Variants in RFX7 observed in about 807,000 individuals in gnomAD.
The protein encoded by RFX7 is regulatory factor X7, also known as DNA-binding protein RFX7.
RFX7 carries 26 observed loss-of-function variants against 111.8 expected under a neutral mutation model. The observed-to-expected ratio is 0.23, with a 90% CI of 0.17 to 0.32. The LOEUF (loss-of-function observed/expected upper bound fraction) is 0.32, where lower values mean the gene tolerates loss of function less well. Ranked by LOEUF, RFX7 falls within the 10% of genes least tolerant of loss-of-function variation. The pLI, the probability that RFX7 is intolerant of heterozygous loss-of-function variation, is 1.00. For missense variants in RFX7, 1,573 were observed against 1,772.9 expected, an observed-to-expected ratio of 0.89 and a Z score of 2.02; for synonymous variants, 624 against 624.4, an observed-to-expected ratio of 1.00 and a Z score of 0.01.
At chr15:56,132,740 T>C (rs1423230558) in intron 5 of RFX7, among the ~76,000 whole-genome samples, 1 of 152,122 alleles carries the variant, frequency 6.6e-6, no homozygotes, top group African/African-American at 2.4e-5. Flanking sequence ...TTGAAAAACA[T>C]TTATGTTTTA....
At position 56,087,466 on chromosome 15, in the gene RFX7, C is replaced by T. The variant is rs1209325831; in HGVS notation, c.*5879G>A. Reference sequence around the variant, plus strand: ...CCAGGAGGGCTGCTTGAGTTCTAGCCATCACATTTGCATTCCAGCCAGCAG... The same window carrying T: ...CCAGGAGGGCTGCTTGAGTTCTAGCTATCACATTTGCATTCCAGCCAGCAG... On this transcript the variant is annotated 3_prime_UTR_variant, in exon 10 of 10. Coordinates refer to ENST00000559447, the MANE Select transcript of RFX7 (RefSeq NM_022841.7). 4.4e-6 allele frequency: 2 copies of T among 456,512 alleles called. No individual in the cohort carries two copies. The highest frequency in any genetic ancestry group is 8.8e-6 in the Non-Finnish European group (2 of 226,968). 28.3% of individuals were successfully genotyped at this position (456,512 alleles called of 1,614,324 possible). A position where few individuals can be genotyped will look rare whatever the true frequency, so the allele number is the denominator to read the frequency against.
At chr15:56,107,823 A>C (rs1035282726) in intron 5 of RFX7, among the ~76,000 whole-genome samples, 7 of 152,202 alleles carry the variant, frequency 4.6e-5, no homozygotes, top group Non-Finnish European at 7.3e-5. Flanking sequence ...CTGATCCCAC[A>C]GATAAAACAA....
rs991997713 is a variant in RFX7 at position 56,168,127 on chromosome 15, C to G, written c.195+11143G>C. The stretch of plus-strand genomic sequence containing the variant: ...CTCTACCAATAAGTAAGTTTTAAAA[C>G]CTTAGGTAAATTACTTAAACTTGTC... On this transcript the variant is annotated intron_variant, in intron 3 of 9. Transcript: ENST00000559447. Among the ~76,000 whole-genome samples, 200 of 152,222 alleles carry G rather than the reference C, an allele frequency of 1.3e-3. 1 individual carries two copies. The highest frequency in any genetic ancestry group is 4.7e-3 in the African/African-American group (197 of 41,536).
intron 3 of RFX7, among the ~76,000 whole-genome samples, chr15:56,150,689 A>C (rs2042557417): frequency 6.6e-6 from 1 of 152,236 alleles, no homozygotes; most frequent in African/African-American, 2.4e-5. Context: ...CTCGCCAGCA[A>C]GGGAACAAAA....
Position 56,116,579 on chromosome 15 carries a change from T to TAC in RFX7, c.402-12910_402-12909insGT, listed in dbSNP as rs146516295. 7.5e-3 allele frequency among the ~76,000 whole-genome samples: 1,134 copies of TAC among 152,214 alleles called. 11 individuals are homozygous for TAC. Among genetic ancestry groups the TAC allele is most frequent in the African/African-American group, 0.024 (1,004 of 41,516 alleles). On this transcript the variant is annotated intron_variant, in intron 5 of 9. Coordinates refer to ENST00000559447, the MANE Select transcript of RFX7 (RefSeq NM_022841.7). ...TAGTTACCTACCATTCATGAATGTA[T>TAC]AGAAGAGGTGAGAAAAAAGGACAGA... is the stretch of plus-strand genomic sequence containing the variant.
intron 3 of RFX7, among the ~76,000 whole-genome samples, chr15:56,152,630 A>C (rs2042588740): frequency 6.6e-6 from 1 of 152,206 alleles, no homozygotes; most frequent in Admixed American, 6.5e-5. Flanking sequence ...CCCTAACATC[A>C]AAATTAAAAG....
intron 2 of RFX7, among the ~76,000 whole-genome samples, chr15:56,203,935 T>C (rs2043222418): frequency 1.3e-5 from 2 of 152,154 alleles, no homozygotes; most frequent in African/African-American, 2.4e-5. Context: ...CTTTACTCTA[T>C]GGTCCTGCCC....
At chr15:56,207,399 G>A (rs185908287) in intron 2 of RFX7, among the ~76,000 whole-genome samples, 3 of 152,134 alleles carry the variant, frequency 2.0e-5, no homozygotes, top group African/African-American at 7.2e-5. Context: ...CTACTGAACT[G>A]TTCTCTTAAA....
chr15:56,192,545 C>G (rs577126615), intron 2 of RFX7: 34 of 161,372 alleles, frequency 2.1e-4, no homozygotes, highest in Admixed American at 5.7e-4. Flanking sequence ...TGGCTCCTAA[C>G]TACATAGCAG....
In RFX7 at chr15:56,095,747, A is replaced by T; in HGVS notation, c.1981T>A (p.Ser661Thr). The change falls in exon 10 of 10, where the codon TCT (serine) becomes ACT (threonine). Residue 661 changes from serine to threonine, a missense_variant. Ser to Thr is a moderately conservative substitution (Grantham distance 58). This residue lies in a region of RFX7 where 625 missense variants were observed against 632.2 expected (regional missense o/e 0.99). Transcript: ENST00000559447. ...LCTKSPRKRL[S>T]STLQETQVPP... is the part of the protein sequence containing the mutation. ...ACCTGGGTCTCCTGCAATGTAGAAG[A>T]CAGTCGTTTTCTTGGGCTTTTAGTG... is the stretch of plus-strand genomic sequence containing the variant. 1 of 1,613,952 alleles carries T rather than the reference A, an allele frequency of 6.2e-7. No homozygotes were observed. Among genetic ancestry groups the T allele is most frequent in the Non-Finnish European group, 8.5e-7 (1 of 1,179,860 alleles).
intron 2 of RFX7, among the ~76,000 whole-genome samples, chr15:56,204,330 C>T (rs182396736): frequency 3.2e-4 from 48 of 152,006 alleles, no homozygotes; most frequent in African/African-American, 1.1e-3. Flanking sequence ...GATCACGAAC[C>T]TTAATATGCT....
At chr15:56,126,222 T>C (rs2042143216) in intron 5 of RFX7, among the ~76,000 whole-genome samples, 1 of 152,168 alleles carries the variant, frequency 6.6e-6, no homozygotes, top group African/African-American at 2.4e-5. Flanking sequence ...GACTCCTCCA[T>C]AAAACAATGG....
In RFX7 at chr15:56,094,729, G is replaced by A; in HGVS notation, c.2999C>T (p.Thr1000Ile). 4 of 1,613,934 alleles carry A rather than the reference G, an allele frequency of 2.5e-6. No individual in the cohort carries two copies. The highest frequency in any genetic ancestry group is 3.4e-6 in the Non-Finnish European group (4 of 1,179,870). Reference protein sequence around the residue: ...VDSALGSSRHTPIGTPHSNCS... With the variant: ...VDSALGSSRHIPIGTPHSNCS... ...GTTAGAATGTGGAGTACCAATGGGT[G>A]TATGTCGGCTACTTCCTAAAGCACT... The change falls in exon 10 of 10, where the codon ACA becomes ATA. Residue 1000 changes from threonine (T) to isoleucine (I), a missense_variant. This residue lies in a region of RFX7 where 625 missense variants were observed against 632.2 expected (regional missense o/e 0.99). Transcript: ENST00000559447.
chr15:56,142,508 C>G (rs1292436624), intron 5 of RFX7, among the ~76,000 whole-genome samples: 4 of 152,128 alleles, frequency 2.6e-5, no homozygotes, highest in African/African-American at 9.7e-5. Flanking sequence ...CTTTTATTCA[C>G]CAATCCTACA....
chr15:56,138,664 T>C (rs1279037660), intron 5 of RFX7, among the ~76,000 whole-genome samples: 1 of 152,160 alleles, frequency 6.6e-6, no homozygotes, highest in Non-Finnish European at 1.5e-5. Flanking sequence ...CATTATGATG[T>C]TAGCTGGTTG....
chr15:56,095,521 G>T lies in RFX7; in HGVS notation c.2207C>A (p.Ala736Asp), dbSNP rs757411356. The change falls in exon 10 of 10, where the codon GCC becomes GAC. Residue 736 changes from alanine (A) to aspartate (D), a missense_variant. By Grantham distance (126) the Ala-to-Asp change is moderately radical. This residue lies in a region of RFX7 where 625 missense variants were observed against 632.2 expected (regional missense o/e 0.99). Transcript: ENST00000559447. ...IGANQPLNSS[A>D]LVISDSALEQ... ...CAAAGCTGAATCACTGATAACAAGG[G>T]CAGAGGAATTCAAGGGTTGATTTGC... is the stretch of plus-strand genomic sequence containing the variant. 31 of 1,613,230 alleles carry T rather than the reference G, an allele frequency of 1.9e-5. No homozygotes were observed. In the Middle Eastern group the frequency reaches 6.6e-4, roughly 34 times the overall value.
chr15:56,139,105 C>G (rs1232627208), intron 5 of RFX7, among the ~76,000 whole-genome samples: 3 of 151,956 alleles, frequency 2.0e-5, no homozygotes, highest in South Asian at 2.1e-4. Flanking sequence ...TGGAGTTGCT[C>G]TTCTCGAGGA....
intron 5 of RFX7, among the ~76,000 whole-genome samples, chr15:56,111,684 A>G (rs1271054769): frequency 6.7e-6 from 1 of 149,468 alleles, no homozygotes; most frequent in Non-Finnish European, 1.5e-5. Flanking sequence ...AAAAAAACCA[A>G]AAAAACAATA....
intron 5 of RFX7, among the ~76,000 whole-genome samples, chr15:56,123,967 A>G (rs372776978): frequency 1.8e-4 from 28 of 152,204 alleles, no homozygotes; most frequent in African/African-American, 6.0e-4. Context: ...TACCTTCTTC[A>G]GTGTCTCTTT....
Sources: gnomAD v4.1 joint callset for allele counts (sites outside exome capture counted in the v4.1 genomes callset) on GRCh38, gnomAD v4.1.1 for gene constraint, gnomAD v4.1.1 regional missense constraint, MANE v1.5 for transcripts, NCBI Gene and HGNC (gene_info 2026-07-23, HGNC 2026-07-21) for gene names.